The following DLG3 variants were observed in gnomAD, a reference collection of about 807,000 sequenced individuals.
DLG3 encodes disks large homolog 3.
Under a neutral mutation model 64.1 loss-of-function variants are expected in DLG3, and 1 was observed. The ratio of observed to expected loss-of-function variants is 0.02; its 90% CI spans 0.01 to 0.07. DLG3 has a LOEUF of 0.07. Among genes scored for constraint, DLG3 ranks in the 10% least tolerant of loss-of-function variants. DLG3 has a pLI of 1.00. For missense variants in DLG3, 429 were observed against 669.5 expected (o/e 0.64, Z 3.96); for synonymous variants, 245 against 259.8 (o/e 0.94, Z 0.55).
rs370577131 is a variant in DLG3, at chrX:70,445,177, G to A, written c.-25G>A. 3,511 of 1,113,369 alleles carry A rather than the reference G, an allele frequency of 3.2e-3. 9 individuals carry two copies. The highest frequency in any genetic ancestry group is 9.3e-3 in the Middle Eastern group (29 of 3,112). 91.8% of individuals were successfully genotyped at this position (1,113,369 alleles called of 1,213,427 possible). A position where few individuals can be genotyped will look rare whatever the true frequency, so the allele number is the denominator to read the frequency against. ...GCGTGGAATCCGGCGTGGGCTGGGG[G>A]GTCCGAGCCGCGGGGGGCAGTGCCA... On this transcript the variant is annotated 5_prime_UTR_variant, in exon 1 of 19. Coordinates refer to ENST00000374360, the MANE Select transcript of DLG3 (RefSeq NM_021120.4).
At chrX:70,465,863 G>T (rs891424303) in intron 9 of DLG3, among the ~76,000 whole-genome samples, 1 of 111,546 alleles carries the variant, frequency 9.0e-6, no homozygotes, top group Non-Finnish European at 1.9e-5. Flanking sequence ...GCCATAATTC[G>T]TATAACCATT....
rs1427342698 is a variant in DLG3, at chrX:70,450,038, C to T, written c.704-131C>T. 7 of 996,985 alleles carry T rather than the reference C, an allele frequency of 7.0e-6. No individual in the cohort carries two copies. The African/African-American group carries it at 7.6e-5, about 11-fold the overall frequency. The allele number at this position is 996,985 out of a possible 1,213,427, so 82.2% of individuals were successfully genotyped here. A position where few individuals can be genotyped will look rare whatever the true frequency, so the allele number is the denominator to read the frequency against. On this transcript the variant is annotated intron_variant, in intron 4 of 18. Coordinates refer to ENST00000374360, the MANE Select transcript of DLG3 (RefSeq NM_021120.4). ...TACTCATCTCAGGATGGCAGCTTAG[C>T]GTTTGGATCCCCCGGGGGGAGCTCC...
intron 7 of DLG3, 103 bp downstream of exon 7, chrX:70,452,129 G>T: frequency 2.7e-6 from 3 of 1,118,170 alleles, no homozygotes; most frequent in Non-Finnish European, 3.6e-6. Context: ...TGGCAAAGAA[G>T]AGGATAAGGC....
In DLG3 at chrX:70,454,225, G is replaced by C; in HGVS notation, c.1314G>C (p.Val438=). ...RGDRILSVNG[V]NLRNATHEQA... ...CTCTCTTTGGACAGGTGAATGGAGT[G>C]AATCTGAGGAATGCAACTCATGAGC... The change falls in exon 9 of 19, where the codon GTG becomes GTC. Residue 438 remains valine, a synonymous_variant. Coordinates refer to ENST00000374360, the MANE Select transcript of DLG3 (RefSeq NM_021120.4). 3 of 1,211,179 alleles carry C rather than the reference G, an allele frequency of 2.5e-6. No homozygotes were observed. Among genetic ancestry groups the C allele is most frequent in the Non-Finnish European group, 3.4e-6 (3 of 895,072 alleles).
Position 70,505,118 on chromosome X carries a change from G to C in DLG3, c.*2849G>C, listed in dbSNP as rs931631048. On this transcript the variant is annotated 3_prime_UTR_variant, in exon 19 of 19. Transcript: ENST00000374360. ...AGCCTAACAAAAGGGAGTCCCCAAAGAGCTCCATGAGAGCTTAAGAAAATT... is the reference window on the plus strand; with the variant it reads ...AGCCTAACAAAAGGGAGTCCCCAAACAGCTCCATGAGAGCTTAAGAAAATT... The C allele has an allele frequency of 1.2e-4, 13 of 112,495 alleles. No individual in the cohort carries two copies. The highest frequency in any genetic ancestry group is 1.9e-4 in the Admixed American group (2 of 10,613). The allele number at this position is 112,495 out of a possible 1,213,427, so 9.3% of individuals were successfully genotyped here.
chrX:70,482,685 T>TTTTTTTTTTTTTTTG (rs2087183343), intron 10 of DLG3, among the ~76,000 whole-genome samples: 1 of 94,499 alleles, frequency 1.1e-5, no homozygotes, highest in Non-Finnish European at 2.1e-5. Flanking sequence ...TTTTTTTTTT[T>TTTTTTTTTTTTTTTG]GACGGAGTCT....
chrX:70,450,546 T>C, intron 5 of DLG3, 93 bp from the exon 6 acceptor site: 4 of 1,092,126 alleles, frequency 3.7e-6, no homozygotes, highest in Non-Finnish European at 5.0e-6. Flanking sequence ...TTTGTTAGCA[T>C]GCTGTTGAAT....
chrX:70,499,832 G>A (rs756479505), intron 15 of DLG3, 45 bp from the exon 16 acceptor site: 39 of 1,172,992 alleles, frequency 3.3e-5, no homozygotes, highest in Non-Finnish European at 4.1e-5. Flanking sequence ...GGTTTGGGGC[G>A]GATCACTGCC....
chrX:70,456,723 A>G (rs2147785737), intron 9 of DLG3, among the ~76,000 whole-genome samples: 1 of 110,066 alleles, frequency 9.1e-6, no homozygotes, highest in Admixed American at 9.7e-5. Context: ...TGGTTTGGTA[A>G]ATCCAGCAAG....
At chrX:70,500,742 G>T (rs1387392854) in intron 17 of DLG3, 156 bp from the exon 18 acceptor site, 3 of 685,324 alleles carry the variant, frequency 4.4e-6, no homozygotes, top group East Asian at 3.5e-5. Context: ...TATGTTCATG[G>T]TTGGACTTTT....
At chrX:70,474,712 G>C (rs763277805) in intron 9 of DLG3, among the ~76,000 whole-genome samples, 1 of 111,613 alleles carries the variant, frequency 9.0e-6, no homozygotes, top group Admixed American at 9.5e-5. Context: ...TCACCAAGAG[G>C]ACACCTTTTC....
rs996450538 is a variant in DLG3 at position 70,504,051 on chromosome X, C to T, written c.*1782C>T. 1 of 111,849 alleles carries T rather than the reference C, an allele frequency of 8.9e-6. No individual in the cohort carries two copies. The highest frequency in any genetic ancestry group is 3.3e-5 in the African/African-American group (1 of 30,658). The allele number at this position is 111,849 out of a possible 1,213,427, so 9.2% of individuals were successfully genotyped here. A position where few individuals can be genotyped will look rare whatever the true frequency, so the allele number is the denominator to read the frequency against. ...GGGAACTCTGTTAACAGTTGTCCAA[C>T]CAGCAGAATGAGGCTAACTGTATAA... is the stretch of plus-strand genomic sequence containing the variant. On this transcript the variant is annotated 3_prime_UTR_variant, in exon 19 of 19. Coordinates refer to ENST00000374360, the MANE Select transcript of DLG3 (RefSeq NM_021120.4).
At position 70,455,137 on chromosome X, in the gene DLG3, C is replaced by T. The variant is rs1018387652; in HGVS notation, c.1405+821C>T. 44 of 743,091 alleles carry T rather than the reference C, an allele frequency of 5.9e-5. No homozygotes were observed. The African/African-American group carries it at 9.6e-4, about 16-fold the overall frequency. The allele number at this position is 743,091 out of a possible 1,213,427, so 61.2% of individuals were successfully genotyped here. ...GGCGTCTCCTCCTCCTCCCTCCTTC[C>T]CCCTCCTCTCTCCTCCCCTCCTCCC... is the stretch of plus-strand genomic sequence containing the variant. On this transcript the variant is annotated intron_variant, in intron 9 of 18. Transcript: ENST00000374360.
Position 70,494,431 on chromosome X carries a change from T to G in DLG3, c.1774-977T>G, listed in dbSNP as rs190670642. On this transcript the variant is annotated intron_variant, in intron 12 of 18. Transcript: ENST00000374360. ...GACTGACTGGTTCTGATAGGAAATG[T>G]CCTTCTGTCAGGCCAGCTTGGTCCA... is the stretch of plus-strand genomic sequence containing the variant. Among the ~76,000 whole-genome samples, 274 of 112,198 alleles carry G rather than the reference T, an allele frequency of 2.4e-3. 2 individuals carry two copies. The highest frequency in any genetic ancestry group is 4.7e-3 in the Middle Eastern group (1 of 214).
rs765338624 is a variant in DLG3, at chrX:70,479,229, C to T, written c.1485C>T (p.Ser495=). 5.9e-5 allele frequency: 71 copies of T among 1,209,156 alleles called. No homozygotes were observed. In the South Asian group the frequency reaches 1.1e-3, roughly 20 times the overall value. The part of the protein sequence containing the change: ...MNSSMSSGSG[S]LRTSEKRSLY... ...GCAGCATGAGCTCTGGGTCTGGGTCCCTCCGAACAAGTGAAAAGAGGTCCT... is the reference window on the plus strand; with the variant it reads ...GCAGCATGAGCTCTGGGTCTGGGTCTCTCCGAACAAGTGAAAAGAGGTCCT... Residue 495 remains serine (S), a synonymous_variant, in exon 10 of 19, where the codon TCC becomes TCT. Transcript: ENST00000374360.
chrX:70,445,613 G>A (rs993474950), intron 1 of DLG3, 55 bp downstream of exon 1: 52 of 1,077,065 alleles, frequency 4.8e-5, no homozygotes, highest in Admixed American at 3.1e-4. Flanking sequence ...CTGGAGAGTG[G>A]GGGCCTAGAG....
rs779584729 is a variant in DLG3, at chrX:70,479,289, C to T, written c.1520+25C>T. The T allele has an allele frequency of 5.5e-6, 6 of 1,097,849 alleles. No individual in the cohort carries two copies. The East Asian group carries it at 1.5e-4, about 27-fold the overall frequency. 90.5% of individuals were successfully genotyped at this position (1,097,849 alleles called of 1,213,427 possible). On this transcript the variant is annotated intron_variant, in intron 10 of 18. Transcript: ENST00000374360. ...GGTAAGTTGCCCTTCAGAGCACTAGCCCTTGTGCTGGACGAGGAGAGCTCC... is the reference window on the plus strand; with the variant it reads ...GGTAAGTTGCCCTTCAGAGCACTAGTCCTTGTGCTGGACGAGGAGAGCTCC...
chrX:70,456,650 T>C (rs1311121231), intron 9 of DLG3, among the ~76,000 whole-genome samples: 2 of 111,990 alleles, frequency 1.8e-5, no homozygotes, highest in Admixed American at 9.4e-5. Context: ...TTTCTTCTCT[T>C]AGGATTTAGG....
At chrX:70,495,555 G>A in intron 13 of DLG3, 102 bp downstream of exon 13, 2 of 815,924 alleles carry the variant, frequency 2.5e-6, no homozygotes, top group South Asian at 4.1e-5. Context: ...GTGAGGGGAG[G>A]GCAGTGTTTG....
Sources: allele counts gnomAD v4.1 joint callset (sites outside exome capture counted in the v4.1 genomes callset), GRCh38; gene constraint gnomAD v4.1.1; transcripts MANE v1.5; gene names NCBI Gene and HGNC (gene_info 2026-07-23, HGNC 2026-07-21).